Variants in RRP12 observed in about 807,000 individuals in gnomAD.
RRP12 encodes RRP12-like protein.
Under a neutral mutation model 157.3 loss-of-function variants are expected in RRP12, and 78 were observed. That is an observed-to-expected ratio of 0.50 (90% CI 0.41 to 0.60). The LOEUF is 0.60. Ranked by LOEUF, RRP12 falls within the 20% of genes least tolerant of loss-of-function variation. The pLI is 0.00. For synonymous variants in RRP12, 726 were observed against 670.9 expected (o/e 1.08, Z -1.27); for missense variants, 1,521 against 1,679.9 (o/e 0.91, Z 1.65).
In RRP12 at chr10:97,356,701, T is replaced by G. The variant is rs1300911901; in HGVS notation, c.*393A>C. The G allele has an allele frequency of 5.7e-6, 1 of 174,860 alleles. No individual in the cohort carries two copies. Among genetic ancestry groups the G allele is most frequent in the Non-Finnish European group, 1.2e-5 (1 of 83,400 alleles). 10.8% of individuals were successfully genotyped at this position (174,860 alleles called of 1,614,324 possible). Reference sequence around the variant, plus strand: ...TATGAAACAGTTTCTAGAAAAAAAATGCAGGATGAGACACATTTATTCTAC... The same window carrying G: ...TATGAAACAGTTTCTAGAAAAAAAAGGCAGGATGAGACACATTTATTCTAC... On this transcript the variant is annotated 3_prime_UTR_variant, in exon 34 of 34. Coordinates refer to ENST00000370992, the MANE Select transcript of RRP12 (RefSeq NM_015179.4).
At position 97,388,464 on chromosome 10, in the gene RRP12, C is replaced by T. The variant is rs373627760; in HGVS notation, c.889+25G>A. On this transcript the variant is annotated intron_variant, in intron 7 of 33. Coordinates refer to ENST00000370992, the MANE Select transcript of RRP12 (RefSeq NM_015179.4). ...TCTGCCAGCCACTGCCTCCCATCCACCTGCCCTCCATTTGGGTTCCCCACC... is the reference window on the plus strand; with the variant it reads ...TCTGCCAGCCACTGCCTCCCATCCATCTGCCCTCCATTTGGGTTCCCCACC... The T allele has an allele frequency of 8.0e-5, 129 of 1,613,658 alleles. 1 individual carries two copies. Among genetic ancestry groups the T allele is most frequent in the Middle Eastern group, 3.3e-4 (2 of 6,060 alleles).
In RRP12 at chr10:97,379,843, C is replaced by G. The variant is rs11189174; in HGVS notation, c.1534-73G>C. 498,028 of 1,470,282 alleles carry G rather than the reference C, an allele frequency of 0.34. 85,807 individuals carry two copies. Among genetic ancestry groups the G allele is most frequent in the African/African-American group, 0.5 (35,406 of 71,118 alleles). The allele number at this position is 1,470,282 out of a possible 1,614,324, so 91.1% of individuals were successfully genotyped here. A position where few individuals can be genotyped will look rare whatever the true frequency, so the allele number is the denominator to read the frequency against. ...GGACCCATGACAAGACCCCGCTGAA[C>G]GATGAGGCTGGAATTCTGGGCCTGG... On this transcript the variant is annotated intron_variant, in intron 13 of 33. Coordinates refer to ENST00000370992, the MANE Select transcript of RRP12 (RefSeq NM_015179.4).
intron 25 of RRP12, chr10:97,367,370 T>C: frequency 1.7e-6 from 1 of 578,408 alleles, no homozygotes; most frequent in South Asian, 2.0e-5. Flanking sequence ...ATGAGAGCTT[T>C]AGTCTTCTCA....
At position 97,363,881 on chromosome 10, in the gene RRP12, G is replaced by A; in HGVS notation, c.3540C>T (p.Asp1180=). The A allele has an allele frequency of 6.2e-7, 1 of 1,614,052 alleles. No homozygotes were observed. The highest frequency in any genetic ancestry group is 1.1e-5 in the South Asian group (1 of 91,088). ...GAKGEDEEMA[D]PMEDVIIRNK... The stretch of plus-strand genomic sequence containing the variant: ...TCCTGATGATCACATCTTCCATTGG[G>A]TCAGCCATCTCTTCATCTTCGCCTG... The change falls in exon 30 of 34, where the codon GAC becomes GAT. Residue 1180 remains aspartate (D), a synonymous_variant. Transcript: ENST00000370992.
chr10:97,358,110 A>C (rs1490340013), intron 33 of RRP12, among the ~76,000 whole-genome samples: 4 of 152,122 alleles, frequency 2.6e-5, no homozygotes, highest in African/African-American at 9.7e-5. Flanking sequence ...TGAGGCATGC[A>C]GATCATGAGG....
chr10:97,365,768 A>T, intron 29 of RRP12: 1 of 170,536 alleles, frequency 5.9e-6, no homozygotes, highest in Non-Finnish European at 1.2e-5. Flanking sequence ...GTTTGCATTA[A>T]AAAAAAAAAA....
chr10:97,357,434 T>C (rs566340395), intron 33 of RRP12, among the ~76,000 whole-genome samples: 1 of 152,294 alleles, frequency 6.6e-6, no homozygotes, highest in African/African-American at 2.4e-5. Context: ...CCTTCCATTT[T>C]TCCTCTAATG....
chr10:97,362,240 A>G (rs1230473394), intron 30 of RRP12, among the ~76,000 whole-genome samples: 4 of 152,268 alleles, frequency 2.6e-5, no homozygotes, highest in Admixed American at 2.0e-4. Flanking sequence ...GCATCTGCTC[A>G]GTCCCGCTCT....
intron 30 of RRP12, among the ~76,000 whole-genome samples, chr10:97,362,797 G>A (rs980366004): frequency 1.3e-5 from 2 of 152,166 alleles, no homozygotes; most frequent in African/African-American, 2.4e-5. Context: ...AGAATTCTGC[G>A]CTGTCACAAT....
intron 23 of RRP12, 90 bp downstream of exon 23, chr10:97,370,365 G>A: frequency 3.7e-6 from 5 of 1,358,110 alleles, no homozygotes; most frequent in Non-Finnish European, 5.1e-6. Flanking sequence ...CCAGGGCCAG[G>A]GCACAGAGCT....
At chr10:97,387,814 T>C (rs1261576183) in intron 8 of RRP12, among the ~76,000 whole-genome samples, 2 of 151,600 alleles carry the variant, frequency 1.3e-5, no homozygotes, top group African/African-American at 4.8e-5. Context: ...TGGTGGTGCA[T>C]GCCTGTAATC....
intron 8 of RRP12, among the ~76,000 whole-genome samples, chr10:97,387,542 G>A (rs1398613984): frequency 6.6e-6 from 1 of 151,478 alleles, no homozygotes; most frequent in Non-Finnish European, 1.5e-5. Flanking sequence ...TATGGCTGTG[G>A]GAACCACACA....
At chr10:97,368,891 A>C (rs558412213) in intron 25 of RRP12, among the ~76,000 whole-genome samples, 2 of 152,246 alleles carry the variant, frequency 1.3e-5, no homozygotes, top group Non-Finnish European at 2.9e-5. Context: ...CAGTAGGTAC[A>C]GTGCACAGCT....
chr10:97,399,537 T>C (rs1845077990), intron 2 of RRP12, among the ~76,000 whole-genome samples: 1 of 151,720 alleles, frequency 6.6e-6, no homozygotes, highest in Non-Finnish European at 1.5e-5. Flanking sequence ...AAAAAATATA[T>C]ATAACTTTAT....
rs59302286 is a variant in RRP12 at position 97,392,001 on chromosome 10, G to GTT, written c.531-1159_531-1158dup. ...ACTGTTAAGTATATTCATGTTGTGG[G>GTT]TTTTTTTTTTTTCTTTTTTTGGAGA... is the stretch of plus-strand genomic sequence containing the variant. On this transcript the variant is annotated intron_variant, in intron 4 of 33. Transcript: ENST00000370992. 2.9e-3 allele frequency among the ~76,000 whole-genome samples: 431 copies of GTT among 147,774 alleles called. 1 individual carries two copies. The Middle Eastern group carries it at 0.059, about 20-fold the overall frequency.
intron 10 of RRP12, among the ~76,000 whole-genome samples, chr10:97,382,256 C>T (rs1844493092): frequency 1.3e-5 from 2 of 152,170 alleles, no homozygotes; most frequent in East Asian, 1.9e-4. Context: ...GTGATCCTCC[C>T]ACCTCAGCCT....
At chr10:97,393,640 C>G (rs932349729) in intron 4 of RRP12, 44 bp downstream of exon 4, 1 of 1,436,990 alleles carries the variant, frequency 7.0e-7, no homozygotes, top group East Asian at 2.3e-5. Context: ...TCCCTTCTCC[C>G]CTCCACAAAA....
At chr10:97,365,272 GTTTTTTT>G (rs34050240) in intron 29 of RRP12, among the ~76,000 whole-genome samples, 3 of 118,470 alleles carry the variant, frequency 2.5e-5, no homozygotes, top group African/African-American at 9.3e-5. Flanking sequence ...AGACCTAGGT[GTTTTTTT>G]TTTTTTTTTT....
At position 97,401,271 on chromosome 10, in the gene RRP12, G is replaced by A. The variant is rs776747058; in HGVS notation, c.-40C>T. On this transcript the variant is annotated 5_prime_UTR_variant, in exon 1 of 34. Transcript: ENST00000370992. ...GGCGAGGAATGAGCTTAAATGACCGGCTTCCAGGGACGTAGAAACACGCTC... is the reference window on the plus strand; with the variant it reads ...GGCGAGGAATGAGCTTAAATGACCGACTTCCAGGGACGTAGAAACACGCTC... 32 of 1,611,452 alleles carry A rather than the reference G, an allele frequency of 2.0e-5. No individual in the cohort carries two copies. Among genetic ancestry groups the A allele is most frequent in the South Asian group, 1.6e-4 (15 of 91,040 alleles).
Sources: allele counts gnomAD v4.1 joint callset (sites outside exome capture counted in the v4.1 genomes callset), GRCh38; gene constraint gnomAD v4.1.1; transcripts MANE v1.5; gene names NCBI Gene and HGNC (gene_info 2026-07-23, HGNC 2026-07-21).